CHST11: variants seen among roughly 807,000 people sequenced by gnomAD.
CHST11 encodes the protein C4S-1.
Under a neutral mutation model 30.4 loss-of-function variants are expected in CHST11, and 9 were observed. The ratio of observed to expected loss-of-function variants is 0.30; its 90% CI spans 0.18 to 0.52. The LOEUF (loss-of-function observed/expected upper bound fraction) is 0.52, where lower values mean the gene tolerates loss of function less well. Ranked by LOEUF, CHST11 falls within the 20% of genes least tolerant of loss-of-function variation. The pLI is 0.97. For missense variants in CHST11, 348 were observed against 460.6 expected (o/e 0.76, Z 2.24); for synonymous variants, 152 against 187.8 (o/e 0.81, Z 1.56).
At chr12:104,671,308 T>C (rs975935244) in intron 2 of CHST11, among the ~76,000 whole-genome samples, 3 of 152,218 alleles carry the variant, frequency 2.0e-5, no homozygotes, top group African/African-American at 7.2e-5. Context: ...GCAGGGCTGC[T>C]TGGTTGAAAT....
chr12:104,635,118 G>T (rs961940177), intron 2 of CHST11, among the ~76,000 whole-genome samples: 11 of 152,040 alleles, frequency 7.2e-5, no homozygotes, highest in Non-Finnish European at 1.5e-5. Flanking sequence ...TCTCCTTTGA[G>T]ATTTCATTTG....
At position 104,758,213 on chromosome 12, in the gene CHST11, A is replaced by G. The variant is rs1037001922; in HGVS notation, c.*410A>G. ...TGCTTGCTACAGCTCATTTGGGGGCATGAATGTTCTCCTTACTAACCTCTC... is the reference window on the plus strand; with the variant it reads ...TGCTTGCTACAGCTCATTTGGGGGCGTGAATGTTCTCCTTACTAACCTCTC... On this transcript the variant is annotated 3_prime_UTR_variant, in exon 3 of 3. Coordinates refer to ENST00000303694, the MANE Select transcript of CHST11 (RefSeq NM_018413.6). 1 of 166,486 alleles carries G rather than the reference A, an allele frequency of 6.0e-6. No homozygotes were observed. The highest frequency in any genetic ancestry group is 2.4e-5 in the African/African-American group (1 of 41,520). 10.3% of individuals were successfully genotyped at this position (166,486 alleles called of 1,614,324 possible).
rs148765010 is a variant in CHST11, at chr12:104,561,840, G to A, written c.119-40066G>A. Among the ~76,000 whole-genome samples the A allele has an allele frequency of 4.5e-3, 683 of 151,652 alleles. 5 individuals are homozygous for A. Among genetic ancestry groups the A allele is most frequent in the African/African-American group, 0.016 (645 of 41,290 alleles). On this transcript the variant is annotated intron_variant, in intron 1 of 2. Coordinates refer to ENST00000303694, the MANE Select transcript of CHST11 (RefSeq NM_018413.6). ...AGAGTCTCACTCAGTCGCCAGGCTG[G>A]AGTGCAGTGGTGTGATCTCGGCTCA...
chr12:104,489,259 A>T (rs2037721981), intron 1 of CHST11, among the ~76,000 whole-genome samples: 7 of 151,034 alleles, frequency 4.6e-5, no homozygotes. Flanking sequence ...CTGGTCTCGG[A>T]CTCCTGACCT....
chr12:104,668,404 CT>C (rs756181154), intron 2 of CHST11, among the ~76,000 whole-genome samples: 28 of 152,152 alleles, frequency 1.8e-4, no homozygotes, highest in Non-Finnish European at 3.5e-4. Context: ...GTTAAACCCA[CT>C]CCCGAGACAC....
At chr12:104,592,364 A>G (rs1343183467) in intron 1 of CHST11, among the ~76,000 whole-genome samples, 1 of 152,164 alleles carries the variant, frequency 6.6e-6, no homozygotes, top group Admixed American at 6.5e-5. Context: ...AGACCAAAGC[A>G]TTGGCAGATT....
intron 2 of CHST11, among the ~76,000 whole-genome samples, chr12:104,681,425 A>G (rs1223005073): frequency 6.6e-6 from 1 of 152,250 alleles, no homozygotes; most frequent in Non-Finnish European, 1.5e-5. Flanking sequence ...GTGGTTGCAT[A>G]GGGCTTAGAA....
intron 2 of CHST11, among the ~76,000 whole-genome samples, chr12:104,603,176 G>A (rs2038973306): frequency 6.6e-6 from 1 of 152,070 alleles, no homozygotes; most frequent in South Asian, 2.1e-4. Context: ...TTATAGGCAG[G>A]TCTCCCAGCC....
In CHST11 at chr12:104,460,485, G is replaced by A. The variant is rs187499938; in HGVS notation, c.118+2956G>A. Among the ~76,000 whole-genome samples, 285 of 152,012 alleles carry A rather than the reference G, an allele frequency of 1.9e-3. 6 individuals are homozygous for A. The East Asian group carries it at 0.047, about 25-fold the overall frequency. On this transcript the variant is annotated intron_variant, in intron 1 of 2. Transcript: ENST00000303694. ...TCGAGACCAGCCTGGCCAACATGGC[G>A]AAACCACATCTCTACTAAAAATACA...
chr12:104,514,075 G>C, intron 1 of CHST11: 1 of 1,145,760 alleles, frequency 8.7e-7, no homozygotes, highest in Non-Finnish European at 1.3e-6. Flanking sequence ...CTGGTTTACT[G>C]TGGTACCAGG....
intron 2 of CHST11, among the ~76,000 whole-genome samples, chr12:104,658,679 C>A (rs1056385493): frequency 6.6e-6 from 1 of 152,176 alleles, no homozygotes; most frequent in Non-Finnish European, 1.5e-5. Flanking sequence ...TGCTTCCATT[C>A]TCCTCCTCCC....
chr12:104,506,295 G>A (rs117239962), intron 1 of CHST11, among the ~76,000 whole-genome samples: 134 of 152,296 alleles, frequency 8.8e-4, no homozygotes, highest in Non-Finnish European at 1.5e-3. Flanking sequence ...TTTGTTCAAA[G>A]TCCAACATTG....
intron 2 of CHST11, among the ~76,000 whole-genome samples, chr12:104,628,875 T>C (rs2136066095): frequency 6.6e-6 from 1 of 152,348 alleles, no homozygotes; most frequent in African/African-American, 2.4e-5. Context: ...TTCTGGTTAT[T>C]TATTTATTGC....
intron 1 of CHST11, among the ~76,000 whole-genome samples, chr12:104,597,172 T>A (rs1181955812): frequency 6.6e-6 from 1 of 152,184 alleles, no homozygotes; most frequent in African/African-American, 2.4e-5. Context: ...AACAACGTGC[T>A]CTTCATTACA....
At chr12:104,560,872 T>G (rs1425983558) in intron 1 of CHST11, among the ~76,000 whole-genome samples, 1 of 152,250 alleles carries the variant, frequency 6.6e-6, no homozygotes, top group East Asian at 1.9e-4. Context: ...AGGTGCTCAC[T>G]GGATTTGCTG....
intron 2 of CHST11, among the ~76,000 whole-genome samples, chr12:104,744,877 A>G (rs866386814): frequency 8.3e-6 from 1 of 120,966 alleles, no homozygotes; most frequent in Non-Finnish European, 1.9e-5. Flanking sequence ...TTATTTATTT[A>G]TTTATTTATT....
chr12:104,666,520 A>G (rs938094781), intron 2 of CHST11, among the ~76,000 whole-genome samples: 1 of 152,050 alleles, frequency 6.6e-6, no homozygotes, highest in East Asian at 1.9e-4. Context: ...TGTTTTTGCA[A>G]CTCGTTTGCC....
intron 2 of CHST11, among the ~76,000 whole-genome samples, chr12:104,679,565 C>A (rs2039775344): frequency 6.6e-6 from 1 of 152,166 alleles, no homozygotes; most frequent in South Asian, 2.1e-4. Flanking sequence ...AAGTCATTTG[C>A]TGATGAGACC....
chr12:104,558,917 A>G (rs1486810692), intron 1 of CHST11, among the ~76,000 whole-genome samples: 2 of 151,892 alleles, frequency 1.3e-5, no homozygotes, highest in Admixed American at 1.3e-4. Context: ...TTAGGTTTCT[A>G]TGTGGGTGAC....
Sources: gnomAD v4.1 joint callset for allele counts (sites outside exome capture counted in the v4.1 genomes callset) on GRCh38, gnomAD v4.1.1 for gene constraint, MANE v1.5 for transcripts, NCBI Gene and HGNC (gene_info 2026-07-23, HGNC 2026-07-21) for gene names.